The following PARVB variants were observed in gnomAD, a reference collection of about 807,000 sequenced individuals.
The protein encoded by PARVB is beta-parvin.
Under a neutral mutation model 47.0 loss-of-function variants are expected in PARVB, and 46 were observed. The ratio of observed to expected loss-of-function variants is 0.98; its 90% confidence interval spans 0.77 to 1.25. The LOEUF (loss-of-function observed/expected upper bound fraction) is 1.25, where lower values mean the gene tolerates loss of function less well. Among genes scored for constraint, PARVB ranks in the 50% most tolerant of loss-of-function variants. PARVB has a pLI of 0.00. For missense variants in PARVB, 473 were observed against 471.6 expected, an observed-to-expected ratio of 1.00 and a Z score of -0.03; for synonymous variants, 196 against 196.3, an observed-to-expected ratio of 1.00 and a Z score of 0.01.
At chr22:44,129,234 G>A (rs537416936) in intron 4 of PARVB, among the ~76,000 whole-genome samples, 1 of 152,128 alleles carries the variant, frequency 6.6e-6, no homozygotes, top group Non-Finnish European at 1.5e-5. Flanking sequence ...GGAAGGAGAG[G>A]GCAGCCATCT....
At chr22:44,159,629 G>A (rs1427948220) in intron 11 of PARVB, among the ~76,000 whole-genome samples, 1 of 152,222 alleles carries the variant, frequency 6.6e-6, no homozygotes, top group Non-Finnish European at 1.5e-5. Context: ...GCTGTCAGTA[G>A]TTCCTCCTCC....
chr22:44,082,088 C>T (rs755768960), intron 1 of PARVB, among the ~76,000 whole-genome samples: 6 of 151,994 alleles, frequency 3.9e-5, no homozygotes, highest in Admixed American at 6.6e-5. Context: ...GCCGAGAAAA[C>T]GGGAGGCAAA....
rs1358085845 is a variant in PARVB at position 44,155,263 on chromosome 22, C to T, written c.844-2719C>T. Among the ~76,000 whole-genome samples, 2 of 152,106 alleles carry T rather than the reference C, an allele frequency of 1.3e-5. No individual in the cohort carries two copies. Among genetic ancestry groups the T allele is most frequent in the African/African-American group, 2.4e-5 (1 of 41,408 alleles). Reference sequence around the variant, plus strand: ...AGATGGCGCACTGAGATCAAGTGGGCAGGGCTCGGCAGGGGTTAGCACTGC... The same window carrying T: ...AGATGGCGCACTGAGATCAAGTGGGTAGGGCTCGGCAGGGGTTAGCACTGC... On this transcript the variant is annotated intron_variant, in intron 10 of 12. Transcript: ENST00000338758. This position sits in a 1 kb window ranked among gnomAD's most constrained non-coding sequence, Gnocchi z 4.8.
intron 11 of PARVB, among the ~76,000 whole-genome samples, chr22:44,159,173 G>A (rs1182573971): frequency 6.6e-6 from 1 of 152,236 alleles, no homozygotes; most frequent in Admixed American, 6.5e-5. Context: ...TCCTGGAAAT[G>A]AAAGGTCAGA....
At chr22:44,098,089 G>A (rs577049074) in intron 2 of PARVB, among the ~76,000 whole-genome samples, 20 of 152,286 alleles carry the variant, frequency 1.3e-4, no homozygotes, top group Admixed American at 5.2e-4. Context: ...TCAGTTCAGC[G>A]AGAGCAAGGT....
intron 2 of PARVB, among the ~76,000 whole-genome samples, chr22:44,001,523 A>G (rs1039961854): frequency 1.3e-5 from 2 of 152,202 alleles, no homozygotes; most frequent in South Asian, 2.1e-4. Context: ...AGTATTGAAG[A>G]TCTTGTGCAG....
chr22:44,018,877 T>G (rs2050613504), intron 2 of PARVB, among the ~76,000 whole-genome samples: 1 of 151,782 alleles, frequency 6.6e-6, no homozygotes, highest in South Asian at 2.1e-4. Context: ...CCATTTGCAT[T>G]GCTATAAAGG....
chr22:44,159,698 C>G (rs1316233714), intron 11 of PARVB, among the ~76,000 whole-genome samples: 1 of 152,142 alleles, frequency 6.6e-6, no homozygotes, highest in East Asian at 1.9e-4. Flanking sequence ...CTTCATGAGC[C>G]CATAGTATTT....
chr22:44,100,065 A>C lies in PARVB; in HGVS notation c.215A>C (p.Glu72Ala). Residue 72 changes from glutamate (E) to alanine (A), a missense_variant, in exon 3 of 13, where the codon GAG becomes GCG. Transcript: ENST00000338758. ...PEDTQLEENE[E>A]RTMIDPTSKE... is the part of the protein sequence containing the mutation. ...TTGTCCCTGGCAGAGGAGAACGAGGAGCGCACGATGATTGACCCCACTTCC... is the reference window on the plus strand; with the variant it reads ...TTGTCCCTGGCAGAGGAGAACGAGGCGCGCACGATGATTGACCCCACTTCC... 1 of 1,613,958 alleles carries C rather than the reference A, an allele frequency of 6.2e-7. No individual in the cohort carries two copies. The highest frequency in any genetic ancestry group is 8.5e-7 in the Non-Finnish European group (1 of 1,179,882).
At chr22:44,143,376 C>T (rs921761147) in intron 8 of PARVB, 1 of 152,276 alleles carries the variant, frequency 6.6e-6, no homozygotes, top group Non-Finnish European at 1.5e-5. Context: ...ACACATGGCT[C>T]CTTGACCCAG....
chr22:44,131,618 A>G lies in PARVB; in HGVS notation c.508A>G (p.Ser170Gly), dbSNP rs966460174. ...GCCCCGAGGCTGGGCGCTCCGGTGG[A>G]GCGTGGACTGTGAGTTCCACGCCAC... ...LRPRGWALRW[S>G]VDSIHGKNLV... The change falls in exon 5 of 13, where the codon AGC becomes GGC. Residue 170 changes from serine to glycine, a missense_variant. By Grantham distance (56) the Ser-to-Gly change is moderately conservative. Transcript: ENST00000338758. The G allele has an allele frequency of 1.2e-6, 2 of 1,611,446 alleles. No individual in the cohort carries two copies. The highest frequency in any genetic ancestry group is 1.3e-5 in the African/African-American group (1 of 74,794).
intron 3 of PARVB, chr22:44,107,309 A>G (rs1292932767): frequency 6.6e-6 from 1 of 152,226 alleles, no homozygotes; most frequent in African/African-American, 2.4e-5. Context: ...TTTATAGATG[A>G]GATACTTTAA....
intron 11 of PARVB, among the ~76,000 whole-genome samples, chr22:44,160,693 C>T (rs1417119315): frequency 6.6e-6 from 1 of 152,188 alleles, no homozygotes; most frequent in Non-Finnish European, 1.5e-5. Flanking sequence ...CAATTTCCTG[C>T]CTGGCATTTC....
chr22:44,082,093 G>C (rs899634834), intron 1 of PARVB, among the ~76,000 whole-genome samples: 1 of 152,226 alleles, frequency 6.6e-6, no homozygotes, highest in Non-Finnish European at 1.5e-5. Flanking sequence ...GAAAACGGGA[G>C]GCAAATGGGG....
At chr22:44,102,626 G>A (rs2052475235) in intron 3 of PARVB, among the ~76,000 whole-genome samples, 1 of 151,884 alleles carries the variant, frequency 6.6e-6, no homozygotes. Flanking sequence ...AATCACTTGA[G>A]CCCAGGAGTT....
chr22:44,010,586 G>T (rs1001330816), intron 2 of PARVB: 1 of 152,198 alleles, frequency 6.6e-6, no homozygotes. Flanking sequence ...CTCCCTTAGA[G>T]TTCAGAACAA....
At chr22:44,024,270 T>C (rs2146876350), upstream of PARVB, 3 of 804,130 alleles carry the variant, frequency 3.7e-6, no homozygotes, top group Non-Finnish European at 4.5e-6. Context: ...GGCCGCGCCC[T>C]CGGCCTCTCC....
At chr22:44,058,120 A>C (rs1264433090) in intron 1 of PARVB, among the ~76,000 whole-genome samples, 1 of 152,200 alleles carries the variant, frequency 6.6e-6, no homozygotes, top group East Asian at 1.9e-4. Flanking sequence ...TTAATTTCCT[A>C]GGCCTGACAT....
intron 2 of PARVB, among the ~76,000 whole-genome samples, chr22:44,096,962 A>G (rs1341101609): frequency 6.6e-6 from 1 of 152,034 alleles, no homozygotes; most frequent in African/African-American, 2.4e-5. Context: ...TTCTGAGCCC[A>G]TGTCTGACCC....
Sources: gnomAD v4.1 joint callset for allele counts (sites outside exome capture counted in the v4.1 genomes callset) on GRCh38, gnomAD v4.1.1 for gene constraint, Gnocchi (gnomAD v3.1) non-coding constraint, MANE v1.5 for transcripts, NCBI Gene and HGNC (gene_info 2026-07-23, HGNC 2026-07-21) for gene names.